Variants in KCNJ6 observed in about 807,000 individuals in gnomAD.
The protein encoded by KCNJ6 is potassium inwardly rectifying channel subfamily J member 6, also known as G protein-activated inward rectifier potassium channel 2.
Under a neutral mutation model 34.2 loss-of-function variants are expected in KCNJ6, and 9 were observed. The observed-to-expected ratio is 0.26, with a 90% CI of 0.16 to 0.46. KCNJ6 has a LOEUF of 0.46. Ranked by LOEUF, KCNJ6 falls within the 20% of genes least tolerant of loss-of-function variation. KCNJ6 has a pLI of 1.00. For missense variants in KCNJ6, 236 were observed against 531.3 expected (o/e 0.44, Z 5.46); for synonymous variants, 196 against 207.1 (o/e 0.95, Z 0.46).
intron 1 of KCNJ6, among the ~76,000 whole-genome samples, chr21:37,876,543 C>T (rs908653866): frequency 6.6e-6 from 1 of 151,882 alleles, no homozygotes; most frequent in South Asian, 2.1e-4. Flanking sequence ...TAAAATCACC[C>T]AAAATAATGA....
At position 37,914,916 on chromosome 21, in the gene KCNJ6, G is replaced by GT. The variant is rs11292118; in HGVS notation, c.-28+967dup. Among the ~76,000 whole-genome samples the GT allele has an allele frequency of 3.8e-3, 543 of 144,486 alleles. 2 individuals are homozygous for GT. Among genetic ancestry groups the GT allele is most frequent in the South Asian group, 0.013 (58 of 4,544 alleles). 94.8% of individuals were successfully genotyped at this position (144,486 alleles called of 152,430 possible). The stretch of plus-strand genomic sequence containing the variant: ...AACTCCCAAACACTGGAGTTGTGGG[G>GT]TTTTTTTTTTTTTCTCTTCCTTTTT... On this transcript the variant is annotated intron_variant, in intron 1 of 3. Coordinates refer to ENST00000609713, the MANE Select transcript of KCNJ6 (RefSeq NM_002240.5).
rs1459449464 is a variant in KCNJ6, at chr21:37,607,979, T to C, written c.*17180A>G. ...TTCCACTAGTGATTTATTCTGCTTT[T>C]TGCTGAATCATTTCAAAGTGCTTGA... On this transcript the variant is annotated 3_prime_UTR_variant, in exon 4 of 4. Transcript: ENST00000609713. 6.6e-6 allele frequency: 1 copy of C among 152,238 alleles called. No homozygotes were observed. The highest frequency in any genetic ancestry group is 2.4e-5 in the African/African-American group (1 of 41,460). 9.4% of individuals were successfully genotyped at this position (152,238 alleles called of 1,614,324 possible). A position where few individuals can be genotyped will look rare whatever the true frequency, so the allele number is the denominator to read the frequency against.
At chr21:37,783,332 C>T (rs2055178384) in intron 2 of KCNJ6, among the ~76,000 whole-genome samples, 1 of 152,080 alleles carries the variant, frequency 6.6e-6, no homozygotes, top group African/African-American at 2.4e-5. Flanking sequence ...TGGGAAGGAC[C>T]CGGTGGACAA....
rs1569430107 is a variant in KCNJ6, at chr21:37,617,067, C to CTTTCTT, written c.*8091_*8092insAAGAAA. On this transcript the variant is annotated 3_prime_UTR_variant, in exon 4 of 4. Transcript: ENST00000609713. ...TTCTTTCTTTCTTTTCTTTTCTTTT[C>CTTTCTT]TTTTCTTTTCTTTCTTTTTCTTTCT... 1.2e-5 allele frequency: 1 copy of CTTTCTT among 81,182 alleles called. No homozygotes were observed. Among genetic ancestry groups the CTTTCTT allele is most frequent in the South Asian group, 4.3e-4 (1 of 2,344 alleles). 5.0% of individuals were successfully genotyped at this position (81,182 alleles called of 1,614,324 possible). A position where few individuals can be genotyped will look rare whatever the true frequency, so the allele number is the denominator to read the frequency against.
At chr21:37,861,772 C>T (rs1454406946) in intron 1 of KCNJ6, among the ~76,000 whole-genome samples, 1 of 152,170 alleles carries the variant, frequency 6.6e-6, no homozygotes, top group Non-Finnish European at 1.5e-5. Flanking sequence ...TTGAGAAGCA[C>T]CAAACTGGGG....
chr21:37,714,726 A>G lies in KCNJ6; in HGVS notation c.431T>C (p.Leu144Ser). ...TNLNGFVSAFLFSIETETTIG... is the reference protein window; with the variant it reads ...TNLNGFVSAFSFSIETETTIG... ...GGTGGTTTCTGTCTCTATTGAGAAT[A>G]AAAAAGCAGAGACGAACCCGTTGAG... The change falls in exon 3 of 4, where the codon TTA (leucine) becomes TCA (serine). Residue 144 changes from leucine (L) to serine (S), a missense_variant. Physicochemically the swap from Leu to Ser is moderately radical, Grantham distance 145. Transcript: ENST00000609713. The surrounding 1 kb of genome is among the most constrained non-coding windows in gnomAD (Gnocchi z 5.9). The G allele has an allele frequency of 6.2e-7, 1 of 1,614,076 alleles. No homozygotes were observed. Among genetic ancestry groups the G allele is most frequent in the Non-Finnish European group, 8.5e-7 (1 of 1,179,982 alleles).
At chr21:37,731,255 T>A (rs1243961862) in intron 2 of KCNJ6, among the ~76,000 whole-genome samples, 1 of 152,046 alleles carries the variant, frequency 6.6e-6, no homozygotes, top group Non-Finnish European at 1.5e-5. Context: ...GAGTGAAAGA[T>A]TTAAGGGGCT....
intron 2 of KCNJ6, among the ~76,000 whole-genome samples, chr21:37,750,958 C>T (rs1380916575): frequency 1.3e-5 from 2 of 152,164 alleles, no homozygotes; most frequent in Admixed American, 6.5e-5. Flanking sequence ...TCTGGTTACA[C>T]ACTCAAAAAA....
chr21:37,789,100 G>A (rs556079660), intron 2 of KCNJ6, among the ~76,000 whole-genome samples: 5 of 152,294 alleles, frequency 3.3e-5, no homozygotes, highest in African/African-American at 1.2e-4. Context: ...TGGAATGTAA[G>A]TGGAAGTTGG....
At chr21:37,641,718 G>A (rs1162526344) in intron 3 of KCNJ6, among the ~76,000 whole-genome samples, 1 of 147,056 alleles carries the variant, frequency 6.8e-6, no homozygotes, top group African/African-American at 2.5e-5. Flanking sequence ...GGGCAGGGGA[G>A]CTTTTGGTAC....
intron 3 of KCNJ6, among the ~76,000 whole-genome samples, chr21:37,698,484 A>G (rs1299965537): frequency 6.6e-6 from 1 of 152,152 alleles, no homozygotes; most frequent in Non-Finnish European, 1.5e-5. Flanking sequence ...TCCATATTGT[A>G]TTGTAATTTG....
intron 2 of KCNJ6, among the ~76,000 whole-genome samples, chr21:37,759,258 C>A (rs561027017): frequency 1.3e-5 from 2 of 152,186 alleles, no homozygotes; most frequent in Non-Finnish European, 2.9e-5. Flanking sequence ...CTTTCCCTTG[C>A]GCTTTGAGGT....
In KCNJ6 at chr21:37,675,483, C is replaced by T. The variant is rs1404576974; in HGVS notation, c.946+38728G>A. Among the ~76,000 whole-genome samples the T allele has an allele frequency of 6.6e-6, 1 of 152,240 alleles. No homozygotes were observed. The highest frequency in any genetic ancestry group is 2.4e-5 in the African/African-American group (1 of 41,470). On this transcript the variant is annotated intron_variant, in intron 3 of 3. Coordinates refer to ENST00000609713, the MANE Select transcript of KCNJ6 (RefSeq NM_002240.5). This position sits in a 1 kb window ranked among gnomAD's most constrained non-coding sequence, Gnocchi z 4.2. ...CTGACCGCGCTGGGGATGAGCACCA[C>T]TGTCATCGCGGGGACCCTCGGGCTG...
At chr21:37,844,495 C>A (rs1456087606) in intron 1 of KCNJ6, among the ~76,000 whole-genome samples, 6 of 152,068 alleles carry the variant, frequency 3.9e-5, no homozygotes, top group Non-Finnish European at 7.4e-5. Context: ...CTATCTAAAA[C>A]CTGACATGGC....
chr21:37,723,700 G>A (rs2054838591), intron 2 of KCNJ6, among the ~76,000 whole-genome samples: 1 of 152,162 alleles, frequency 6.6e-6, no homozygotes, highest in African/African-American at 2.4e-5. Context: ...CTTATGAGTA[G>A]GAGCTAAACA....
At chr21:37,661,426 T>A (rs911124033) in intron 3 of KCNJ6, among the ~76,000 whole-genome samples, 3 of 152,204 alleles carry the variant, frequency 2.0e-5, no homozygotes, top group African/African-American at 7.2e-5. Context: ...AGTGATGTGC[T>A]ACATCAATAC....
At chr21:37,801,563 T>A (rs2123532405) in intron 2 of KCNJ6, among the ~76,000 whole-genome samples, 1 of 152,314 alleles carries the variant, frequency 6.6e-6, no homozygotes, top group South Asian at 2.1e-4. Flanking sequence ...CTACTTGTGC[T>A]TTTCTCCATC....
intron 2 of KCNJ6, among the ~76,000 whole-genome samples, chr21:37,757,637 C>A (rs2055036890): frequency 6.6e-6 from 1 of 150,540 alleles, no homozygotes; most frequent in African/African-American, 2.4e-5. Context: ...ATGATTCCAG[C>A]CCGGAGTGAG....
At chr21:37,648,110 C>T (rs1312154608) in intron 3 of KCNJ6, among the ~76,000 whole-genome samples, 1 of 152,074 alleles carries the variant, frequency 6.6e-6, no homozygotes, top group Non-Finnish European at 1.5e-5. Flanking sequence ...ATCAGACAGC[C>T]CAGGGAGGGG....
Sources: gnomAD v4.1 joint callset for allele counts (sites outside exome capture counted in the v4.1 genomes callset) on GRCh38, gnomAD v4.1.1 for gene constraint, Gnocchi (gnomAD v3.1) non-coding constraint, MANE v1.5 for transcripts, NCBI Gene and HGNC (gene_info 2026-07-23, HGNC 2026-07-21) for gene names.